Variants in PGM5 observed in about 807,000 individuals in gnomAD.
PGM5 encodes phosphoglucomutase-like protein 5.
Under a neutral mutation model 59.2 loss-of-function variants are expected in PGM5, and 23 were observed. The ratio of observed to expected loss-of-function variants is 0.39; its 90% confidence interval spans 0.28 to 0.55. The LOEUF (loss-of-function observed/expected upper bound fraction) is 0.55, where lower values mean the gene tolerates loss of function less well. Ranked by LOEUF, PGM5 falls within the 20% of genes least tolerant of loss-of-function variation. PGM5 has a pLI of 0.66. For missense variants in PGM5, 574 were observed against 748.3 expected (o/e 0.77, Z 2.72); for synonymous variants, 214 against 286.0 (o/e 0.75, Z 2.54).
chr9:68,519,783 T>C (rs879519375), intron 10 of PGM5, among the ~76,000 whole-genome samples: 20 of 151,616 alleles, frequency 1.3e-4, no homozygotes, highest in Non-Finnish European at 2.7e-4. Flanking sequence ...AAAAAGACAA[T>C]GTAATGGTGA....
intron 3 of PGM5, among the ~76,000 whole-genome samples, chr9:68,387,222 G>T (rs2480147): frequency 5.3e-5 from 8 of 151,298 alleles, no homozygotes; most frequent in Admixed American, 2.6e-4. Flanking sequence ...TTGCAAAGAA[G>T]AATTTATAAC....
At chr9:68,382,551 T>C (rs1554678414) in intron 2 of PGM5, among the ~76,000 whole-genome samples, 1 of 151,792 alleles carries the variant, frequency 6.6e-6, no homozygotes, top group African/African-American at 2.4e-5. Context: ...TTTTCCATTT[T>C]TCATTTATTT....
intron 6 of PGM5, chr9:68,394,573 C>T: frequency 6.6e-6 from 1 of 151,510 alleles, no homozygotes; most frequent in East Asian, 1.9e-4. Flanking sequence ...TCTGGAGACA[C>T]TGAGGGAAAA....
chr9:68,472,167 A>G (rs1276985601), intron 7 of PGM5, among the ~76,000 whole-genome samples: 1 of 152,080 alleles, frequency 6.6e-6, no homozygotes, highest in African/African-American at 2.4e-5. Context: ...CTTCACAATG[A>G]TGGTATAGAG....
At chr9:68,470,649 G>A (rs1486605694) in intron 7 of PGM5, among the ~76,000 whole-genome samples, 4 of 152,172 alleles carry the variant, frequency 2.6e-5, no homozygotes, top group Admixed American at 6.5e-5. Flanking sequence ...CGCATCTGCC[G>A]ATTCTAGTCT....
intron 6 of PGM5, among the ~76,000 whole-genome samples, chr9:68,450,068 T>C (rs567180334): frequency 3.9e-5 from 6 of 152,300 alleles, no homozygotes; most frequent in South Asian, 2.1e-4. Context: ...TCAATGTCAG[T>C]TCAAGTGTGA....
intron 6 of PGM5, among the ~76,000 whole-genome samples, chr9:68,420,396 T>A (rs550970016): frequency 6.6e-6 from 1 of 152,294 alleles, no homozygotes; most frequent in African/African-American, 2.4e-5. Flanking sequence ...ATATTATCTA[T>A]GAGGACTGTA....
intron 10 of PGM5, among the ~76,000 whole-genome samples, chr9:68,505,329 TC>T (rs1554688933): frequency 1.3e-5 from 2 of 152,138 alleles, no homozygotes; most frequent in African/African-American, 2.4e-5. Flanking sequence ...ATTCTGTGAT[TC>T]CCTGACACCA....
At chr9:68,430,095 T>C (rs549876993) in intron 6 of PGM5, among the ~76,000 whole-genome samples, 20 of 152,342 alleles carry the variant, frequency 1.3e-4, no homozygotes, top group African/African-American at 4.8e-4. Flanking sequence ...TCATTTGAAA[T>C]GTAGAAATAC....
At chr9:68,527,134 G>A (rs1824991959) in intron 10 of PGM5, among the ~76,000 whole-genome samples, 5 of 152,184 alleles carry the variant, frequency 3.3e-5, no homozygotes. Context: ...AACTTCTCTG[G>A]TGTTTACAGT....
intron 7 of PGM5, among the ~76,000 whole-genome samples, chr9:68,477,533 T>G (rs1472439155): frequency 6.6e-6 from 1 of 152,196 alleles, no homozygotes; most frequent in African/African-American, 2.4e-5. Context: ...AATACTGTTG[T>G]CCATTCTCAT....
At chr9:68,433,405 T>C (rs1399717383) in intron 6 of PGM5, among the ~76,000 whole-genome samples, 1 of 152,252 alleles carries the variant, frequency 6.6e-6, no homozygotes, top group African/African-American at 2.4e-5. Context: ...GAAAATCTGC[T>C]CTTTAAAAGA....
chr9:68,390,042 T>C (rs1455654451), intron 4 of PGM5, among the ~76,000 whole-genome samples: 1 of 152,150 alleles, frequency 6.6e-6, no homozygotes, highest in African/African-American at 2.4e-5. Flanking sequence ...TTTTTGTTTA[T>C]TTTCACCTCA....
chr9:68,444,912 C>T (rs782241690), intron 6 of PGM5, among the ~76,000 whole-genome samples: 14 of 152,154 alleles, frequency 9.2e-5, no homozygotes, highest in Non-Finnish European at 2.1e-4. Flanking sequence ...TAGACCTGGA[C>T]CAGAACTCCC....
At chr9:68,431,605 T>G (rs1823349697) in intron 6 of PGM5, among the ~76,000 whole-genome samples, 2 of 152,134 alleles carry the variant, frequency 1.3e-5, no homozygotes, top group Admixed American at 6.5e-5. Flanking sequence ...GGCAATGGAG[T>G]GTGCCCTCAG....
intron 9 of PGM5, among the ~76,000 whole-genome samples, chr9:68,488,138 G>C (rs913864104): frequency 2.0e-5 from 3 of 152,016 alleles, no homozygotes; most frequent in Non-Finnish European, 4.4e-5. Flanking sequence ...GATAAGAAAA[G>C]CAGAAAAAAA....
At chr9:68,514,996 A>G (rs1824804227) in intron 10 of PGM5, among the ~76,000 whole-genome samples, 1 of 152,198 alleles carries the variant, frequency 6.6e-6, no homozygotes, top group African/African-American at 2.4e-5. Context: ...ACACAATTAT[A>G]CTAGTTGAGC....
intron 6 of PGM5, among the ~76,000 whole-genome samples, chr9:68,457,547 G>A (rs1554685018): frequency 6.6e-6 from 1 of 152,144 alleles, no homozygotes; most frequent in African/African-American, 2.4e-5. Context: ...TTCATTTAAT[G>A]TCCAGTGCCT....
At chr9:68,435,225 C>T (rs1350123837) in intron 6 of PGM5, among the ~76,000 whole-genome samples, 2 of 152,152 alleles carry the variant, frequency 1.3e-5, no homozygotes, top group African/African-American at 4.8e-5. Context: ...TATTAATTTT[C>T]TGCATGTGTT....
Sources: gnomAD v4.1 joint callset for allele counts (sites outside exome capture counted in the v4.1 genomes callset) on GRCh38, gnomAD v4.1.1 for gene constraint, MANE v1.5 for transcripts, NCBI Gene and HGNC (gene_info 2026-07-23, HGNC 2026-07-21) for gene names.